NBEAL1: variants seen among roughly 807,000 people sequenced by gnomAD.
NBEAL1 encodes the protein neurobeachin like 1.
NBEAL1 carries 273 observed loss-of-function variants against 351.3 expected under a neutral mutation model. The observed-to-expected ratio is 0.78, with a 90% CI of 0.70 to 0.86. The LOEUF (loss-of-function observed/expected upper bound fraction) is 0.86, where lower values mean the gene tolerates loss of function less well. Ranked by LOEUF, NBEAL1 falls within the 40% of genes least tolerant of loss-of-function variation. The pLI is 0.00. For synonymous variants in NBEAL1, 1,050 were observed against 1,086.4 expected (o/e 0.97, Z 0.66); for missense variants, 2,961 against 3,201.3 (o/e 0.92, Z 1.81).
chr2:203,205,949 G>A (rs549283265), intron 51 of NBEAL1, among the ~76,000 whole-genome samples: 3 of 152,250 alleles, frequency 2.0e-5, no homozygotes, highest in South Asian at 2.1e-4. Flanking sequence ...CAGGTGGAAG[G>A]TGTGGGCAGA....
intron 2 of NBEAL1, among the ~76,000 whole-genome samples, chr2:203,018,380 T>A (rs913982524): frequency 6.6e-6 from 1 of 152,140 alleles, no homozygotes; most frequent in East Asian, 1.9e-4. Flanking sequence ...GACCTCTTTG[T>A]GAGCTTGAAA....
Position 203,132,065 on chromosome 2 carries a change from CCTT to C in NBEAL1, c.3661_3663del (p.Leu1221del), listed in dbSNP as rs2063086559. 1.9e-6 allele frequency: 3 copies of C among 1,552,524 alleles called. No individual in the cohort carries two copies. Among genetic ancestry groups the C allele is most frequent in the Non-Finnish European group, 2.6e-6 (3 of 1,146,214 alleles). On this transcript the variant is annotated inframe_deletion, in exon 26 of 56. Transcript: ENST00000683969. The stretch of plus-strand genomic sequence containing the variant: ...AAGTTGGCTACTCGGGACTGGGACT[CCTT>C]CTTAATGAAGCACTTGTTAATACTT...
In NBEAL1 at chr2:203,062,360, G is replaced by A; in HGVS notation, c.515+4907G>A. On this transcript the variant is annotated intron_variant, in intron 6 of 55. Transcript: ENST00000683969. This position sits in a 1 kb window ranked among gnomAD's most constrained non-coding sequence, Gnocchi z 4.2. ...AAAATCCAGCAACGCCCACTCCTGA[G>A]GGGTGAAGGTTACAGCCACATCCTC... 1 of 484,004 alleles carries A rather than the reference G, an allele frequency of 2.1e-6. No homozygotes were observed. The highest frequency in any genetic ancestry group is 1.5e-5 in the South Asian group (1 of 66,250). The allele number at this position is 484,004 out of a possible 1,614,324, so 30.0% of individuals were successfully genotyped here.
chr2:203,197,625 AG>A (rs2065275782), intron 48 of NBEAL1, among the ~76,000 whole-genome samples: 1 of 152,178 alleles, frequency 6.6e-6, no homozygotes, highest in Non-Finnish European at 1.5e-5. Context: ...ATATAAAAAT[AG>A]GCTGGGCACA....
chr2:203,041,741 A>G, intron 2 of NBEAL1, 24 bp from the exon 3 acceptor site: 2 of 1,510,124 alleles, frequency 1.3e-6, no homozygotes, highest in Non-Finnish European at 9.0e-7. Flanking sequence ...CATACTTAAT[A>G]TTATAATGGT....
intron 2 of NBEAL1, among the ~76,000 whole-genome samples, chr2:203,031,088 A>G (rs2060942390): frequency 6.6e-6 from 1 of 152,218 alleles, no homozygotes; most frequent in Admixed American, 6.5e-5. Flanking sequence ...TAAACTGCAG[A>G]TTTATAACTT....
chr2:203,170,937 T>C (rs2064299550), intron 39 of NBEAL1, among the ~76,000 whole-genome samples: 1 of 152,154 alleles, frequency 6.6e-6, no homozygotes, highest in African/African-American at 2.4e-5. Context: ...AAATTTCAAT[T>C]TGTAACAAAA....
chr2:203,177,094 T>G (rs1289989040), intron 42 of NBEAL1, among the ~76,000 whole-genome samples: 1 of 145,828 alleles, frequency 6.9e-6, no homozygotes, highest in Non-Finnish European at 1.5e-5. Context: ...GAGGCTATAG[T>G]GAACCATGAT....
chr2:203,159,592 G>T (rs533677818), intron 36 of NBEAL1, among the ~76,000 whole-genome samples: 2 of 151,880 alleles, frequency 1.3e-5, no homozygotes, highest in East Asian at 3.9e-4. Flanking sequence ...ACCATTTATG[G>T]TTATCCAGAA....
At position 203,209,153 on chromosome 2, in the gene NBEAL1, G is replaced by A; in HGVS notation, c.7624-8G>A. 2 of 1,603,148 alleles carry A rather than the reference G, an allele frequency of 1.2e-6. No individual in the cohort carries two copies. Among genetic ancestry groups the A allele is most frequent in the Non-Finnish European group, 1.7e-6 (2 of 1,171,866 alleles). Reference sequence around the variant, plus strand: ...TCTTTTTCATTTTCTGATATATCCTGTGTGTAGGATGGAACGGTGATTATA... The same window carrying A: ...TCTTTTTCATTTTCTGATATATCCTATGTGTAGGATGGAACGGTGATTATA... On this transcript the variant is annotated splice_polypyrimidine_tract_variant and splice_region_variant and intron_variant, in intron 52 of 55. Transcript: ENST00000683969.
intron 1 of NBEAL1, among the ~76,000 whole-genome samples, chr2:203,015,610 G>C (rs2060666311): frequency 6.6e-6 from 1 of 152,084 alleles, no homozygotes; most frequent in Non-Finnish European, 1.5e-5. Context: ...ACAGGTGCCC[G>C]CCACCACGCC....
intron 2 of NBEAL1, among the ~76,000 whole-genome samples, chr2:203,037,769 G>T (rs1476702569): frequency 2.0e-5 from 3 of 148,592 alleles, no homozygotes; most frequent in Non-Finnish European, 4.5e-5. Context: ...AGGAGTTTGA[G>T]ACCGTAACAA....
At chr2:203,135,347 G>A (rs1010562482) in intron 27 of NBEAL1, among the ~76,000 whole-genome samples, 1 of 152,032 alleles carries the variant, frequency 6.6e-6, no homozygotes, top group Admixed American at 6.6e-5. Flanking sequence ...AAATGTAGGG[G>A]GCTCATGGAA....
chr2:203,201,148 C>A (rs2065388673), intron 49 of NBEAL1, among the ~76,000 whole-genome samples: 1 of 152,200 alleles, frequency 6.6e-6, no homozygotes, highest in African/African-American at 2.4e-5. Context: ...TCCTATGCAT[C>A]ACCTTGTGTA....
chr2:203,023,230 T>C (rs1229769722), intron 2 of NBEAL1, among the ~76,000 whole-genome samples: 1 of 152,192 alleles, frequency 6.6e-6, no homozygotes, highest in Non-Finnish European at 1.5e-5. Context: ...TTAAGCCACA[T>C]TTAGTAAGTC....
Position 203,107,730 on chromosome 2 carries a change from T to C in NBEAL1, c.1491T>C (p.Asp497=), listed in dbSNP as rs1224380828. The C allele has an allele frequency of 1.1e-5, 17 of 1,553,678 alleles. No individual in the cohort carries two copies. Among genetic ancestry groups the C allele is most frequent in the Non-Finnish European group, 1.4e-5 (16 of 1,147,542 alleles). Residue 497 remains aspartate, a synonymous_variant, in exon 14 of 56, where the codon GAT becomes GAC. Transcript: ENST00000683969. ...QSHDLQIFIS[D]WLKRICCINR... is the part of the protein sequence containing the mutation. ...ATGACCTGCAAATCTTCATCTCTGATTGGCTGAAAAGAATTTGTTGTATTA... is the reference window on the plus strand; with the variant it reads ...ATGACCTGCAAATCTTCATCTCTGACTGGCTGAAAAGAATTTGTTGTATTA...
rs2065911656 is a variant in NBEAL1 at position 203,217,684 on chromosome 2, G to A, written c.*330G>A. 4.1e-6 allele frequency: 4 copies of A among 963,928 alleles called. No individual in the cohort carries two copies. The highest frequency in any genetic ancestry group is 5.0e-6 in the Non-Finnish European group (4 of 807,500). 59.7% of individuals were successfully genotyped at this position (963,928 alleles called of 1,614,324 possible). On this transcript the variant is annotated 3_prime_UTR_variant, in exon 56 of 56. Coordinates refer to ENST00000683969, the MANE Select transcript of NBEAL1 (RefSeq NM_001378026.1). The stretch of plus-strand genomic sequence containing the variant: ...TTTCTAATAAAAGAGTACAGATAAT[G>A]GGACAGTTGAGAGAGATGGCTTTAA...
intron 36 of NBEAL1, 105 bp from the exon 37 acceptor site, chr2:203,166,044 C>CA (rs968471323): frequency 9.7e-5 from 108 of 1,112,768 alleles, no homozygotes; most frequent in Middle Eastern, 3.1e-4. Flanking sequence ...GACCTTGTCT[C>CA]AAAAAAAAGA....
At chr2:203,056,304 T>C (rs2061400473) in intron 4 of NBEAL1, 123 bp from the exon 5 acceptor site, 1 of 671,202 alleles carries the variant, frequency 1.5e-6, no homozygotes. Flanking sequence ...GATTTTTATG[T>C]TTTAATAAAT....
Sources: allele counts gnomAD v4.1 joint callset (sites outside exome capture counted in the v4.1 genomes callset), GRCh38; gene constraint gnomAD v4.1.1; non-coding constraint Gnocchi (gnomAD v3.1); transcripts MANE v1.5; gene names NCBI Gene and HGNC (gene_info 2026-07-23, HGNC 2026-07-21).